ATRNL1: variants seen among roughly 807,000 people sequenced by gnomAD.
The protein encoded by ATRNL1 is attractin like 1.
Under a neutral mutation model 182.7 loss-of-function variants are expected in ATRNL1, and 95 were observed. That is an observed-to-expected ratio of 0.52 (90% CI 0.44 to 0.62). The LOEUF (loss-of-function observed/expected upper bound fraction) is 0.62, where lower values mean the gene tolerates loss of function less well. Ranked by LOEUF, ATRNL1 falls within the 20% of genes least tolerant of loss-of-function variation. The probability of loss-of-function intolerance (pLI) is 0.00; values close to 1 mark genes in which losing one functional copy is unlikely to be tolerated. For synonymous variants in ATRNL1, 576 were observed against 568.3 expected (o/e 1.01, Z -0.19); for missense variants, 1,471 against 1,679.5 (o/e 0.88, Z 2.17).
intron 26 of ATRNL1, among the ~76,000 whole-genome samples, chr10:115,591,338 G>A (rs1855890208): frequency 6.6e-6 from 1 of 152,062 alleles, no homozygotes; most frequent in Admixed American, 6.6e-5. Context: ...CCAAAATTAT[G>A]AATCTTGGGG....
chr10:115,850,200 A>G lies in ATRNL1; in HGVS notation c.4018+2209A>G, dbSNP rs537407819. ...ATAAAGCAAGTAAAGTAAAATGTTA[A>G]TGGTAGGATCTAGGTGCTAGGAATA... is the stretch of plus-strand genomic sequence containing the variant. On this transcript the variant is annotated intron_variant, in intron 28 of 28. Coordinates refer to ENST00000355044, the MANE Select transcript of ATRNL1 (RefSeq NM_207303.4). 4.7e-3 allele frequency among the ~76,000 whole-genome samples: 718 copies of G among 152,280 alleles called. 10 individuals carry two copies. Among genetic ancestry groups the G allele is most frequent in the African/African-American group, 0.016 (684 of 41,564 alleles).
chr10:115,848,274 A>G (rs1031583135), intron 28 of ATRNL1, among the ~76,000 whole-genome samples: 1 of 152,198 alleles, frequency 6.6e-6, no homozygotes, highest in Non-Finnish European at 1.5e-5. Flanking sequence ...TGGAATTACA[A>G]TGAGAAATCT....
intron 24 of ATRNL1, among the ~76,000 whole-genome samples, chr10:115,470,562 ATATGAT>A (rs1848259142): frequency 6.6e-6 from 1 of 150,600 alleles, no homozygotes; most frequent in Non-Finnish European, 1.5e-5. Flanking sequence ...ATTAAAATTG[ATATGAT>A]TATATTTTAA....
chr10:115,506,090 TA>T (rs1294124914), intron 24 of ATRNL1, among the ~76,000 whole-genome samples: 41 of 150,472 alleles, frequency 2.7e-4, no homozygotes, highest in Admixed American at 1.1e-3. Flanking sequence ...TAGTTAAAAT[TA>T]AAAAAAAAAT....
Position 115,946,307 on chromosome 10 carries a change from A to ATGTGATATTAAG in ATRNL1, c.*1530_*1531insTGATATTAAGTG, listed in dbSNP as rs1953874682. The stretch of plus-strand genomic sequence containing the variant: ...TGCCATGGTTGTACAGTAGCAGACT[A>ATGTGATATTAAG]TGACCCTATTGTGATATTAAGTGTT... On this transcript the variant is annotated 3_prime_UTR_variant, in exon 29 of 29. Coordinates refer to ENST00000355044, the MANE Select transcript of ATRNL1 (RefSeq NM_207303.4). The ATGTGATATTAAG allele has an allele frequency of 6.6e-6, 1 of 152,222 alleles. No homozygotes were observed. The highest frequency in any genetic ancestry group is 2.4e-5 in the African/African-American group (1 of 41,460). The allele number at this position is 152,222 out of a possible 1,614,324, so 9.4% of individuals were successfully genotyped here. A position where few individuals can be genotyped will look rare whatever the true frequency, so the allele number is the denominator to read the frequency against.
At chr10:115,712,149 T>G (rs1340738320) in intron 26 of ATRNL1, among the ~76,000 whole-genome samples, 1 of 152,188 alleles carries the variant, frequency 6.6e-6, no homozygotes, top group East Asian at 1.9e-4. Flanking sequence ...TGCCTAGAGC[T>G]CCTTCAGTGT....
chr10:115,370,386 A>G (rs540288270), intron 19 of ATRNL1, among the ~76,000 whole-genome samples: 1 of 152,342 alleles, frequency 6.6e-6, no homozygotes, highest in Non-Finnish European at 1.5e-5. Context: ...AATGTGGGAA[A>G]GTGTGGAACT....
intron 19 of ATRNL1, among the ~76,000 whole-genome samples, chr10:115,371,869 AG>A (rs1554948141): frequency 6.6e-6 from 1 of 152,008 alleles, no homozygotes; most frequent in African/African-American, 2.4e-5. Flanking sequence ...CTTGAATTGT[AG>A]CCCCCGTAAT....
intron 26 of ATRNL1, among the ~76,000 whole-genome samples, chr10:115,673,357 A>G (rs908996031): frequency 8.5e-5 from 13 of 152,070 alleles, no homozygotes; most frequent in Non-Finnish European, 1.6e-4. Context: ...TACCATTGAT[A>G]GGCAACTGGC....
chr10:115,804,260 A>G (rs1555085135), intron 27 of ATRNL1, among the ~76,000 whole-genome samples: 1 of 152,156 alleles, frequency 6.6e-6, no homozygotes, highest in Non-Finnish European at 1.5e-5. Flanking sequence ...TTTGACTAAC[A>G]TCTCCCCAGG....
chr10:115,823,196 A>T (rs1950345330), intron 27 of ATRNL1, among the ~76,000 whole-genome samples: 1 of 152,226 alleles, frequency 6.6e-6, no homozygotes, highest in Admixed American at 6.5e-5. Context: ...ATCTCAATAG[A>T]TGCAAAAAAG....
At chr10:115,109,048 A>G (rs782217641) in intron 1 of ATRNL1, among the ~76,000 whole-genome samples, 13 of 152,168 alleles carry the variant, frequency 8.5e-5, no homozygotes, top group African/African-American at 1.4e-4. Flanking sequence ...TCTGATCATA[A>G]GCACTAATGT....
At chr10:115,637,927 ACTT>A (rs1379594043) in intron 26 of ATRNL1, among the ~76,000 whole-genome samples, 16 of 152,122 alleles carry the variant, frequency 1.1e-4, no homozygotes, top group South Asian at 8.3e-4. Flanking sequence ...CCGGCTATTA[ACTT>A]CTTATTAAAG....
At chr10:115,208,258 T>G (rs1429892592) in intron 8 of ATRNL1, among the ~76,000 whole-genome samples, 1 of 152,108 alleles carries the variant, frequency 6.6e-6, no homozygotes, top group African/African-American at 2.4e-5. Flanking sequence ...ATATTTCCAA[T>G]CATTTTTTAA....
intron 19 of ATRNL1, 65 bp downstream of exon 19, chr10:115,334,484 G>T: frequency 1.5e-6 from 2 of 1,293,460 alleles, no homozygotes; most frequent in East Asian, 2.4e-5. Context: ...AGAAAGCAGC[G>T]CCTGTTGTGG....
intron 24 of ATRNL1, among the ~76,000 whole-genome samples, chr10:115,482,172 A>G (rs1554974291): frequency 6.6e-6 from 1 of 151,078 alleles, no homozygotes; most frequent in African/African-American, 2.4e-5. Flanking sequence ...CGTGTTTCAT[A>G]TTGTTATATA....
intron 26 of ATRNL1, among the ~76,000 whole-genome samples, chr10:115,697,275 C>G (rs1946594164): frequency 6.6e-6 from 1 of 152,030 alleles, no homozygotes; most frequent in South Asian, 2.1e-4. Flanking sequence ...GTTTAAAGAA[C>G]CAATGTATTC....
chr10:115,597,062 C>A (rs546464729), intron 26 of ATRNL1, among the ~76,000 whole-genome samples: 2 of 152,014 alleles, frequency 1.3e-5, no homozygotes, highest in Non-Finnish European at 2.9e-5. Context: ...ATATTTCAGT[C>A]CTAAATGAGT....
intron 24 of ATRNL1, among the ~76,000 whole-genome samples, chr10:115,470,143 A>T (rs1160891577): frequency 6.6e-6 from 1 of 150,414 alleles, no homozygotes; most frequent in Admixed American, 6.6e-5. Context: ...GTAACTAGAA[A>T]TGTTTGCAGG....
Sources: allele counts gnomAD v4.1 joint callset (sites outside exome capture counted in the v4.1 genomes callset), GRCh38; gene constraint gnomAD v4.1.1; transcripts MANE v1.5; gene names NCBI Gene and HGNC (gene_info 2026-07-23, HGNC 2026-07-21).